The following FOXN3 variants were observed in gnomAD, a reference collection of about 807,000 sequenced individuals.
The protein encoded by FOXN3 is forkhead box N3.
Under a neutral mutation model 38.4 loss-of-function variants are expected in FOXN3, and 7 were observed. The observed-to-expected ratio is 0.18, with a 90% CI of 0.10 to 0.34. The LOEUF (loss-of-function observed/expected upper bound fraction) is 0.34, where lower values mean the gene tolerates loss of function less well. Among genes scored for constraint, FOXN3 ranks in the 10% least tolerant of loss-of-function variants. FOXN3 has a pLI of 1.00. For missense variants in FOXN3, 456 were observed against 613.4 expected (o/e 0.74, Z 2.71); for synonymous variants, 230 against 242.2 (o/e 0.95, Z 0.47).
chr14:89,195,343 T>A (rs921925228), intron 4 of FOXN3, among the ~76,000 whole-genome samples: 1 of 152,192 alleles, frequency 6.6e-6, no homozygotes, highest in Non-Finnish European at 1.5e-5. Context: ...GTGCTACTTC[T>A]CATCAGCACA....
At chr14:89,601,597 C>T (rs73315268) in intron 1 of FOXN3, among the ~76,000 whole-genome samples, 3,456 of 152,214 alleles carry the variant, frequency 0.023, 134 homozygotes, top group African/African-American at 0.079. Flanking sequence ...AGGCCAATAA[C>T]CTAGGGTCTG....
intron 3 of FOXN3, among the ~76,000 whole-genome samples, chr14:89,327,870 C>A (rs1286830373): frequency 6.6e-6 from 1 of 152,186 alleles, no homozygotes; most frequent in Non-Finnish European, 1.5e-5. Flanking sequence ...CTAGCCCAAC[C>A]ACCTCATTTT....
chr14:89,571,638 T>C (rs1007881590), intron 1 of FOXN3, among the ~76,000 whole-genome samples: 9 of 152,224 alleles, frequency 5.9e-5, no homozygotes, highest in Admixed American at 4.6e-4. Context: ...TTGCAACTAC[T>C]CAACTCCACC....
chr14:89,225,170 G>C (rs1228958203), intron 4 of FOXN3, among the ~76,000 whole-genome samples: 1 of 151,746 alleles, frequency 6.6e-6, no homozygotes, highest in African/African-American at 2.4e-5. Context: ...CCAGGTGTGG[G>C]GATGTGTGCC....
In FOXN3 at chr14:89,356,024, C is replaced by T. The variant is rs11844440; in HGVS notation, c.544-5216G>A. On this transcript the variant is annotated intron_variant, in intron 2 of 5. Transcript: ENST00000557258. ...TAGCCTGTAACAATTTCAGTTTGTGCAGAACATTCAGGTATGAAAAGAAAA... is the reference window on the plus strand; with the variant it reads ...TAGCCTGTAACAATTTCAGTTTGTGTAGAACATTCAGGTATGAAAAGAAAA... Among the ~76,000 whole-genome samples, 256 of 140,094 alleles carry T rather than the reference C, an allele frequency of 1.8e-3. 2 individuals are homozygous for T. Among genetic ancestry groups the T allele is most frequent in the African/African-American group, 6.4e-3 (240 of 37,358 alleles). The allele number at this position is 140,094 out of a possible 152,430, so 91.9% of individuals were successfully genotyped here.
chr14:89,402,386 T>A (rs1452866819), intron 2 of FOXN3, among the ~76,000 whole-genome samples: 2 of 152,242 alleles, frequency 1.3e-5, no homozygotes, highest in Non-Finnish European at 2.9e-5. Context: ...CTCTCCGTCC[T>A]TTCCTCTGAC....
rs9323842 is a variant in FOXN3 at position 89,489,857 on chromosome 14, C to G, written c.-14-77367G>C. ...CTCAGATGCAAGCCTTACACACACGCGCGCGCATGCACACACATGCACGCA... is the reference window on the plus strand; with the variant it reads ...CTCAGATGCAAGCCTTACACACACGGGCGCGCATGCACACACATGCACGCA... On this transcript the variant is annotated intron_variant, in intron 1 of 6. Transcript: ENST00000345097. 1.9e-3 allele frequency among the ~76,000 whole-genome samples: 288 copies of G among 152,228 alleles called. 3 individuals carry two copies. Among genetic ancestry groups the G allele is most frequent in the Non-Finnish European group, 1.3e-3 (87 of 68,022 alleles).
At chr14:89,506,105 G>A (rs1419454251) in intron 1 of FOXN3, among the ~76,000 whole-genome samples, 1 of 137,388 alleles carries the variant, frequency 7.3e-6, no homozygotes, top group Non-Finnish European at 1.6e-5. Context: ...CAGCCGCCCC[G>A]TCCGGGAGGT....
At chr14:89,494,473 T>C (rs1229758535) in intron 1 of FOXN3, among the ~76,000 whole-genome samples, 1 of 152,186 alleles carries the variant, frequency 6.6e-6, no homozygotes, top group Non-Finnish European at 1.5e-5. Context: ...CTGCTTAAGG[T>C]GGTGCAGCTC....
intron 3 of FOXN3, among the ~76,000 whole-genome samples, chr14:89,300,972 C>CT (rs200243821): frequency 7.1e-4 from 104 of 145,834 alleles, no homozygotes; most frequent in South Asian, 2.8e-3. Context: ...AATTTTTTTG[C>CT]TTTTTTTTTT....
At chr14:89,411,851 A>C in intron 2 of FOXN3, 83 bp downstream of exon 2, 1 of 897,258 alleles carries the variant, frequency 1.1e-6, no homozygotes, top group Non-Finnish European at 1.6e-6. Context: ...CAATGTGGTG[A>C]ATAGAAATTC....
At chr14:89,552,688 G>A (rs776787985) in intron 1 of FOXN3, among the ~76,000 whole-genome samples, 14 of 152,264 alleles carry the variant, frequency 9.2e-5, no homozygotes, top group East Asian at 5.8e-4. Context: ...CCAAAACCCC[G>A]TCTCTACTAA....
At chr14:89,216,910 G>A (rs77059088) in intron 4 of FOXN3, among the ~76,000 whole-genome samples, 2,735 of 152,186 alleles carry the variant, frequency 0.018, 79 homozygotes, top group African/African-American at 0.062. Context: ...CCTACAACCA[G>A]GCCAGATGCT....
At chr14:89,173,592 C>T (rs1887445553) in intron 5 of FOXN3, among the ~76,000 whole-genome samples, 1 of 152,090 alleles carries the variant, frequency 6.6e-6, no homozygotes, top group Non-Finnish European at 1.5e-5. Context: ...TATTATATAG[C>T]AGTGAAAATG....
At chr14:89,618,731 T>A (rs10151900) in intron 1 of FOXN3, among the ~76,000 whole-genome samples, 3,286 of 151,604 alleles carry the variant, frequency 0.022, 130 homozygotes, top group African/African-American at 0.076. Context: ...TGCAATTTTT[T>A]AAAAAAAATT....
In FOXN3 at chr14:89,262,099, T is replaced by A. The variant is rs149860550; in HGVS notation, c.745+18851A>T. On this transcript the variant is annotated intron_variant, in intron 4 of 5. Transcript: ENST00000557258. ...GCCTGGGTGACAGAGAGAGACCCTG[T>A]CTCAAAAGAAAAAAAAAAGGAGAAG... is the stretch of plus-strand genomic sequence containing the variant. Among the ~76,000 whole-genome samples, 1,166 of 151,554 alleles carry A rather than the reference T, an allele frequency of 7.7e-3. 14 individuals carry two copies. The highest frequency in any genetic ancestry group is 0.027 in the African/African-American group (1,106 of 41,284).
intron 4 of FOXN3, among the ~76,000 whole-genome samples, chr14:89,253,367 T>G (rs994041706): frequency 6.6e-6 from 1 of 152,164 alleles, no homozygotes; most frequent in Non-Finnish European, 1.5e-5. Context: ...AGCACGTCTT[T>G]GCATGGCCTC....
intron 1 of FOXN3, among the ~76,000 whole-genome samples, chr14:89,580,311 T>A: frequency 6.6e-6 from 1 of 152,218 alleles, no homozygotes; most frequent in Non-Finnish European, 1.5e-5. Flanking sequence ...TTACAAGGTG[T>A]TCTGTAAACT....
chr14:89,566,947 G>A (rs1566702507), intron 1 of FOXN3, among the ~76,000 whole-genome samples: 1 of 151,256 alleles, frequency 6.6e-6, no homozygotes, highest in Non-Finnish European at 1.5e-5. Flanking sequence ...TTCCTCTAAG[G>A]TGGGAATAAG....
Sources: gnomAD v4.1 joint callset for allele counts (sites outside exome capture counted in the v4.1 genomes callset) on GRCh38, gnomAD v4.1.1 for gene constraint, MANE v1.5 for transcripts, NCBI Gene and HGNC (gene_info 2026-07-23, HGNC 2026-07-21) for gene names.